The following CES3 variants were observed in gnomAD, a reference collection of about 807,000 sequenced individuals.
The protein encoded by CES3 is carboxylesterase 3.
Under a neutral mutation model 57.6 loss-of-function variants are expected in CES3, and 49 were observed. The observed-to-expected ratio is 0.85, with a 90% CI of 0.68 to 1.08. CES3 has a LOEUF of 1.08. Ranked by LOEUF, CES3 falls within the 50% of genes least tolerant of loss-of-function variation. CES3 has a pLI of 0.00. For missense variants in CES3, 645 were observed against 742.0 expected, an observed-to-expected ratio of 0.87 and a Z score of 1.52; for synonymous variants, 266 against 281.6, an observed-to-expected ratio of 0.94 and a Z score of 0.55.
rs1484162681 is a variant in CES3, at chr16:66,964,664, C to T, written c.756C>T (p.Ile252=). The part of the protein sequence containing the change: ...PVAAGLFHRA[I]TQSGVITTPG... ...CTGCAGGGCTGTTCCACAGAGCCAT[C>T]ACACAGAGTGGGGTCATCACCACCC... The change falls in exon 6 of 13, where the codon ATC becomes ATT. Residue 252 remains isoleucine (I), a synonymous_variant. Transcript: ENST00000303334. The T allele has an allele frequency of 7.4e-6, 12 of 1,613,982 alleles. 1 individual carries two copies. The highest frequency in any genetic ancestry group is 4.4e-5 in the South Asian group (4 of 91,084).
At chr16:66,968,775 G>A (rs561475656) in intron 8 of CES3, among the ~76,000 whole-genome samples, 2 of 152,096 alleles carry the variant, frequency 1.3e-5, no homozygotes, top group East Asian at 2.0e-4. Context: ...TTAGCTGGGC[G>A]TGGTGGTGCA....
chr16:66,966,688 C>G (rs1467963164), intron 7 of CES3, 37 bp from the exon 8 acceptor site: 1 of 1,612,948 alleles, frequency 6.2e-7, no homozygotes, highest in East Asian at 2.2e-5. Context: ...AGGCTTGGCC[C>G]TAACTTGGGA....
rs748864347 is a variant in CES3 at position 66,973,015 on chromosome 16, A to T, written c.1682A>T (p.Lys561Met). 1 of 1,614,072 alleles carries T rather than the reference A, an allele frequency of 6.2e-7. No individual in the cohort carries two copies. The highest frequency in any genetic ancestry group is 1.1e-5 in the South Asian group (1 of 91,078). Residue 561 changes from lysine to methionine, a missense_variant, in exon 13 of 13, where the codon AAG becomes ATG. Physicochemically the swap from Lys to Met is moderately conservative, Grantham distance 95. Coordinates refer to ENST00000303334, the MANE Select transcript of CES3 (RefSeq NM_024922.6). ...AGCAAGATACAACAGTGGCACCAGA[A>T]GCAGAAGAACAGGAAGGCCCAGGAG... ...LPSKIQQWHQ[K>M]QKNRKAQEDL
At position 66,973,339 on chromosome 16, in the gene CES3, C is replaced by A. The variant is rs1352367531; in HGVS notation, c.*290C>A. 1.4e-5 allele frequency: 5 copies of A among 351,814 alleles called. No homozygotes were observed. Among genetic ancestry groups the A allele is most frequent in the Admixed American group, 4.3e-5 (1 of 23,342 alleles). The allele number at this position is 351,814 out of a possible 1,614,324, so 21.8% of individuals were successfully genotyped here. A position where few individuals can be genotyped will look rare whatever the true frequency, so the allele number is the denominator to read the frequency against. On this transcript the variant is annotated 3_prime_UTR_variant, in exon 13 of 13. Coordinates refer to ENST00000303334, the MANE Select transcript of CES3 (RefSeq NM_024922.6). The stretch of plus-strand genomic sequence containing the variant: ...CTGGAGGACTCACTCCCCCAGGAAG[C>A]CTTCCCTGCCTTCTCTGGGCTGTGC...
At chr16:66,965,188 A>T (rs950133177) in intron 6 of CES3, among the ~76,000 whole-genome samples, 2 of 152,228 alleles carry the variant, frequency 1.3e-5, no homozygotes, top group Non-Finnish European at 2.9e-5. Context: ...CTGCAGGAGC[A>T]AGCTCGCAGG....
Position 66,963,397 on chromosome 16 carries a change from G to T in CES3, c.287+14G>T. ...TGCGCCCCCAATGTGAGTAGTGCTG[G>T]TGGAGGCGGGCAAACAGGCAGGTTG... On this transcript the variant is annotated intron_variant, in intron 2 of 12. Coordinates refer to ENST00000303334, the MANE Select transcript of CES3 (RefSeq NM_024922.6). The surrounding 1 kb of genome is among the most constrained non-coding windows in gnomAD (Gnocchi z 4.9). 6.2e-7 allele frequency: 1 copy of T among 1,612,344 alleles called. No individual in the cohort carries two copies. Among genetic ancestry groups the T allele is most frequent in the Non-Finnish European group, 8.5e-7 (1 of 1,179,378 alleles).
intron 4 of CES3, among the ~76,000 whole-genome samples, 161 bp downstream of exon 4, chr16:66,964,096 G>A (rs1309272458): frequency 6.6e-6 from 1 of 152,200 alleles, no homozygotes; most frequent in African/African-American, 2.4e-5. Flanking sequence ...CACCCTGGGA[G>A]AGGGGTCCAG....
chr16:66,971,227 C>T lies in CES3; in HGVS notation c.1199C>T (p.Ser400Leu), dbSNP rs376329904. The change falls in exon 10 of 13, where the codon TCG (serine) becomes TTG (leucine). Residue 400 changes from serine (S) to leucine (L), a missense_variant. Transcript: ENST00000303334. ...TVIDEYLGSNSDAQAKCQAFQ... is the reference protein window; with the variant it reads ...TVIDEYLGSNLDAQAKCQAFQ... Reference sequence around the variant, plus strand: ...ATAGATGAATACCTAGGAAGCAACTCGGACGCACAAGCCAAATGCCAGGCG... The same window carrying T: ...ATAGATGAATACCTAGGAAGCAACTTGGACGCACAAGCCAAATGCCAGGCG... 6.8e-6 allele frequency: 11 copies of T among 1,614,020 alleles called. No individual in the cohort carries two copies. The highest frequency in any genetic ancestry group is 4.5e-5 in the East Asian group (2 of 44,902).
intron 6 of CES3, among the ~76,000 whole-genome samples, chr16:66,965,012 G>A (rs1963710267): frequency 6.6e-6 from 1 of 152,232 alleles, no homozygotes; most frequent in South Asian, 2.1e-4. Context: ...GCAGCATGGT[G>A]GAGGGGGTCT....
intron 8 of CES3, among the ~76,000 whole-genome samples, chr16:66,969,027 C>T (rs1444260920): frequency 6.6e-6 from 1 of 152,258 alleles, no homozygotes; most frequent in Non-Finnish European, 1.5e-5. Context: ...GGAACCCCAA[C>T]CTGGCTGTGC....
In CES3 at chr16:66,963,100, A is replaced by G. The variant is rs1344296957; in HGVS notation, c.83-79A>G. The G allele has an allele frequency of 2.1e-6, 3 of 1,445,580 alleles. No homozygotes were observed. The highest frequency in any genetic ancestry group is 2.9e-6 in the Non-Finnish European group (3 of 1,030,302). 89.5% of individuals were successfully genotyped at this position (1,445,580 alleles called of 1,614,324 possible). Reference sequence around the variant, plus strand: ...ATGCTGTGTGGTAAGTACTGAGAACAGCCTGAGGGTTTGTCTTTCACTCCT... The same window carrying G: ...ATGCTGTGTGGTAAGTACTGAGAACGGCCTGAGGGTTTGTCTTTCACTCCT... On this transcript the variant is annotated intron_variant, in intron 1 of 12. Transcript: ENST00000303334. The surrounding 1 kb of genome is among the most constrained non-coding windows in gnomAD (Gnocchi z 4.9).
rs547314097 is a variant in CES3 at position 66,965,264 on chromosome 16, T to C, written c.819+537T>C. 3.9e-5 allele frequency among the ~76,000 whole-genome samples: 6 copies of C among 152,242 alleles called. No individual in the cohort carries two copies. In the South Asian group the frequency reaches 8.3e-4, roughly 21 times the overall value. On this transcript the variant is annotated intron_variant, in intron 6 of 12. Coordinates refer to ENST00000303334, the MANE Select transcript of CES3 (RefSeq NM_024922.6). ...GGGCCATGCCTGGGAATCTGGACTT[T>C]CTCCAGAGGGCAGGAAGAAGTTGGG...
chr16:66,964,005 A>G (rs899822711), intron 4 of CES3, 70 bp downstream of exon 4: 12 of 1,582,964 alleles, frequency 7.6e-6, no homozygotes, highest in African/African-American at 1.3e-5. Context: ...GCAACTGGGG[A>G]TCTAGGTTGG....
chr16:66,969,053 G>A (rs1417371776), intron 8 of CES3, among the ~76,000 whole-genome samples: 1 of 152,250 alleles, frequency 6.6e-6, no homozygotes, highest in Non-Finnish European at 1.5e-5. Context: ...GACCTGGGTA[G>A]ATCTGCCTGG....
intron 10 of CES3, 72 bp downstream of exon 10, chr16:66,971,391 T>A (rs1305099452): frequency 9.8e-6 from 15 of 1,523,226 alleles, no homozygotes; most frequent in Non-Finnish European, 1.3e-5. Context: ...ACAGGTGACA[T>A]GGCATGATAG....
In CES3 at chr16:66,963,084, G is replaced by C. The variant is rs1963672719; in HGVS notation, c.83-95G>C. 2 of 1,292,630 alleles carry C rather than the reference G, an allele frequency of 1.5e-6. No individual in the cohort carries two copies. Among genetic ancestry groups the C allele is most frequent in the South Asian group, 1.2e-5 (1 of 82,358 alleles). 80.1% of individuals were successfully genotyped at this position (1,292,630 alleles called of 1,614,324 possible). ...TGGGAAGGTTACCAAGATGCTGTGTGGTAAGTACTGAGAACAGCCTGAGGG... is the reference window on the plus strand; with the variant it reads ...TGGGAAGGTTACCAAGATGCTGTGTCGTAAGTACTGAGAACAGCCTGAGGG... On this transcript the variant is annotated intron_variant, in intron 1 of 12. Coordinates refer to ENST00000303334, the MANE Select transcript of CES3 (RefSeq NM_024922.6). This position sits in a 1 kb window ranked among gnomAD's most constrained non-coding sequence, Gnocchi z 4.9.
intron 6 of CES3, among the ~76,000 whole-genome samples, chr16:66,965,170 G>A (rs542827297): frequency 1.6e-4 from 25 of 152,374 alleles, no homozygotes; most frequent in Admixed American, 1.0e-3. Flanking sequence ...GGGAGAGAGT[G>A]ACAGGTCCTG....
chr16:66,966,152 C>T, intron 6 of CES3, 92 bp from the exon 7 acceptor site: 2 of 1,141,872 alleles, frequency 1.8e-6, no homozygotes, highest in Non-Finnish European at 2.5e-6. Context: ...ATCCAGCTGT[C>T]CTACAGATGC....
chr16:66,969,136 C>A (rs548038298), intron 8 of CES3, among the ~76,000 whole-genome samples: 1 of 150,892 alleles, frequency 6.6e-6, no homozygotes, highest in Non-Finnish European at 1.5e-5. Context: ...CTGGGCCCGG[C>A]GGCTCATGCC....
Sources: allele counts gnomAD v4.1 joint callset (sites outside exome capture counted in the v4.1 genomes callset), GRCh38; gene constraint gnomAD v4.1.1; non-coding constraint Gnocchi (gnomAD v3.1); transcripts MANE v1.5; gene names NCBI Gene and HGNC (gene_info 2026-07-23, HGNC 2026-07-21).